Variants in MYO18B observed in about 807,000 individuals in gnomAD.
The protein encoded by MYO18B is unconventional myosin-XVIIIb.
In MYO18B, 204 loss-of-function variants were observed where a neutral mutation model predicts 273.0. That is an observed-to-expected ratio of 0.75 (90% CI 0.67 to 0.84). The LOEUF (loss-of-function observed/expected upper bound fraction) is 0.84. Ranked by LOEUF, MYO18B falls within the 40% of genes least tolerant of loss-of-function variation. The pLI, the probability that MYO18B is intolerant of heterozygous loss-of-function variation, is 0.00. For synonymous variants in MYO18B, 1,330 were observed against 1,305.7 expected (o/e 1.02, Z -0.40); for missense variants, 3,212 against 3,287.6 (o/e 0.98, Z 0.56).
chr22:25,888,596 T>C (rs969473954), intron 25 of MYO18B, among the ~76,000 whole-genome samples: 6 of 152,196 alleles, frequency 3.9e-5, no homozygotes, highest in African/African-American at 1.4e-4. Flanking sequence ...TCTGAGGTCA[T>C]TGCCACATAA....
intron 42 of MYO18B, among the ~76,000 whole-genome samples, chr22:26,018,848 T>C (rs1935582247): frequency 6.6e-6 from 1 of 151,980 alleles, no homozygotes; most frequent in Non-Finnish European, 1.5e-5. Context: ...CCCAGCTGCT[T>C]GGGAGGCTGA....
At chr22:25,830,234 G>A (rs955133734) in intron 15 of MYO18B, among the ~76,000 whole-genome samples, 1 of 152,014 alleles carries the variant, frequency 6.6e-6, no homozygotes, top group Non-Finnish European at 1.5e-5. Context: ...TTGGCTGTGT[G>A]GCCTTAGGAA....
intron 1 of MYO18B, 63 bp downstream of exon 1, chr22:25,742,356 G>A (rs2085651067): frequency 6.6e-6 from 1 of 152,244 alleles, no homozygotes; most frequent in African/African-American, 2.4e-5. Flanking sequence ...TTAATTTTCC[G>A]GAATGCGCTG....
At position 25,857,684 on chromosome 22, in the gene MYO18B, C is replaced by T. The variant is rs777126799; in HGVS notation, c.3885+6105C>T. ...TTGTTTGTTTTTTGAGACAGAGTCT[C>T]GCTCTGTTGCCCAGGCTGGAGTGCA... On this transcript the variant is annotated intron_variant, in intron 21 of 43. Transcript: ENST00000335473. Among the ~76,000 whole-genome samples the T allele has an allele frequency of 4.7e-4, 72 of 152,332 alleles. No homozygotes were observed. The Middle Eastern group carries it at 0.017, about 36-fold the overall frequency.
At chr22:25,852,596 ATTT>A (rs1488957525) in intron 21 of MYO18B, among the ~76,000 whole-genome samples, 1 of 152,204 alleles carries the variant, frequency 6.6e-6, no homozygotes, top group Non-Finnish European at 1.5e-5. Context: ...GCAAAGCCCT[ATTT>A]CATCTTCATA....
intron 36 of MYO18B, among the ~76,000 whole-genome samples, chr22:25,949,920 C>T (rs1009739461): frequency 1.2e-4 from 18 of 152,092 alleles, no homozygotes; most frequent in Admixed American, 7.9e-4. Flanking sequence ...CTGAACAAAC[C>T]CAATACGGAA....
At chr22:25,812,845 AAG>A (rs1248109281) in intron 12 of MYO18B, among the ~76,000 whole-genome samples, 4 of 152,162 alleles carry the variant, frequency 2.6e-5, no homozygotes, top group Non-Finnish European at 5.9e-5. Flanking sequence ...CAGAGAAGGG[AAG>A]AGACTTTCTC....
At chr22:25,867,235 T>A (rs917735608) in intron 21 of MYO18B, among the ~76,000 whole-genome samples, 11 of 152,348 alleles carry the variant, frequency 7.2e-5, no homozygotes, top group Admixed American at 7.2e-4. Flanking sequence ...CACAACGCTC[T>A]TCCTCTTGCA....
chr22:25,794,546 C>G (rs1321287441), intron 11 of MYO18B, among the ~76,000 whole-genome samples: 1 of 151,738 alleles, frequency 6.6e-6, no homozygotes, highest in Non-Finnish European at 1.5e-5. Flanking sequence ...ACTCTGTCAC[C>G]CAGGCTGGAG....
At chr22:26,053,102 C>A in the MYO18B span, among the ~76,000 whole-genome samples, 1 of 152,126 alleles carries the variant, frequency 6.6e-6, no homozygotes, top group African/African-American at 2.4e-5. Flanking sequence ...CCACCACACC[C>A]GGCCGAATTG....
In MYO18B at chr22:25,877,981, G is replaced by A. The variant is rs182117304; in HGVS notation, c.4247G>A (p.Arg1416Gln). The change falls in exon 25 of 44, where the codon CGG (arginine) becomes CAG (glutamine). Residue 1416 changes from arginine (R) to glutamine (Q), a missense_variant. By Grantham distance (43) the Arg-to-Gln change is conservative (BLOSUM62 1). Transcript: ENST00000335473. Reference sequence around the variant, plus strand: ...TAGGAGGAGCTTACAACGCTAAGACGGAAGCTAGAAAAATCAGAGAAGTTG... The same window carrying A: ...TAGGAGGAGCTTACAACGCTAAGACAGAAGCTAGAAAAATCAGAGAAGTTG... ...AKEEELTTLR[R>Q]KLEKSEKLRN... 3.4e-4 allele frequency: 533 copies of A among 1,579,644 alleles called. 5 individuals are homozygous for A. The African/African-American group carries it at 6.5e-3, about 19-fold the overall frequency.
At chr22:26,053,018 G>A in the MYO18B span, among the ~76,000 whole-genome samples, 181 of 151,882 alleles carry the variant, frequency 1.2e-3, 2 homozygotes, top group Non-Finnish European at 1.3e-4. Context: ...TGTGTTAGCC[G>A]GGATGGTCTC....
intron 1 of MYO18B, among the ~76,000 whole-genome samples, chr22:25,752,188 A>ATT (rs10562664): frequency 2.2e-5 from 3 of 137,218 alleles, no homozygotes; most frequent in Non-Finnish European, 4.7e-5. Context: ...ATTTTAATTA[A>ATT]TTTTTTTTTT....
Position 25,839,677 on chromosome 22 carries a change from C to T in MYO18B, c.3209-4058C>T, listed in dbSNP as rs184761107. Among the ~76,000 whole-genome samples, 228 of 152,244 alleles carry T rather than the reference C, an allele frequency of 1.5e-3. 1 individual carries two copies. The highest frequency in any genetic ancestry group is 4.0e-3 in the Admixed American group (61 of 15,300). ...AAGGCCAGTCGGACTTGTGACTTTC[C>T]GGGCTGTCAAAGGGACCCCTGTCTC... On this transcript the variant is annotated intron_variant, in intron 17 of 43. Transcript: ENST00000335473.
chr22:25,843,759 AG>A lies in MYO18B; in HGVS notation c.3234del (p.Glu1078AspfsTer83). 1 of 1,613,740 alleles carries A rather than the reference AG, an allele frequency of 6.2e-7. No homozygotes were observed. Among genetic ancestry groups the A allele is most frequent in the East Asian group, 2.2e-5 (1 of 44,884 alleles). On this transcript the variant is annotated frameshift_variant, in exon 18 of 44. Coordinates refer to ENST00000335473, the MANE Select transcript of MYO18B (RefSeq NM_032608.7). LOFTEE classifies it high-confidence loss of function. Reference sequence around the variant, plus strand: ...GGGTCCTCTGCCCTGCGGACCTGTGAGCAGCCCCTCCAGTGTGAGATTTTCC... The same window carrying A: ...GGGTCCTCTGCCCTGCGGACCTGTGACAGCCCCTCCAGTGTGAGATTTTCC... ...TEGSSALRTCEQPLQCEIFHQ... is the reference protein window; with the variant it reads ...TEGSSALRTCXQPLQCEIFHQ...
chr22:25,907,381 A>G (rs376394932), intron 31 of MYO18B, among the ~76,000 whole-genome samples: 1 of 152,230 alleles, frequency 6.6e-6, no homozygotes, highest in African/African-American at 2.4e-5. Flanking sequence ...CAGCTCATTC[A>G]TGGGATCACA....
intron 40 of MYO18B, among the ~76,000 whole-genome samples, chr22:25,995,763 C>A (rs1227429770): frequency 1.3e-5 from 2 of 152,084 alleles, no homozygotes; most frequent in African/African-American, 2.4e-5. Context: ...TCTGATCTAC[C>A]CTTTCTGAGC....
chr22:26,050,878 A>G, the MYO18B span, among the ~76,000 whole-genome samples: 2 of 152,200 alleles, frequency 1.3e-5, no homozygotes, highest in African/African-American at 4.8e-5. Flanking sequence ...TCCTATTTGT[A>G]GGATAAAAGG....
chr22:25,798,067 T>C lies in MYO18B; in HGVS notation c.2491T>C (p.Tyr831His), dbSNP rs750717216. Residue 831 changes from tyrosine to histidine, a missense_variant, in exon 12 of 44, where the codon TAC (tyrosine) becomes CAC (histidine). Tyr to His is a moderately conservative substitution (Grantham distance 83). Transcript: ENST00000335473. ...TGTTTGGCGGGTCCTGGCAGCCATC[T>C]ACCACCTGGGTGCGGCGGGGGCCTG... is the stretch of plus-strand genomic sequence containing the variant. ...RAVWRVLAAI[Y>H]HLGAAGACKV... 5 of 1,611,320 alleles carry C rather than the reference T, an allele frequency of 3.1e-6. No individual in the cohort carries two copies. The South Asian group carries it at 4.4e-5, about 14-fold the overall frequency.
Sources: gnomAD v4.1 joint callset for allele counts (sites outside exome capture counted in the v4.1 genomes callset) on GRCh38, gnomAD v4.1.1 for gene constraint, MANE v1.5 for transcripts, NCBI Gene and HGNC (gene_info 2026-07-23, HGNC 2026-07-21) for gene names.